NDUFAF6: variants seen among roughly 807,000 people sequenced by gnomAD.
NDUFAF6 encodes NADH:ubiquinone oxidoreductase complex assembly factor 6, also known as NADH dehydrogenase (ubiquinone) complex I, assembly factor 6.
Under a neutral mutation model 40.8 loss-of-function variants are expected in NDUFAF6, and 45 were observed. The ratio of observed to expected loss-of-function variants is 1.10; its 90% confidence interval spans 0.87 to 1.42. NDUFAF6 has a LOEUF of 1.42. Ranked by LOEUF, NDUFAF6 falls within the 40% of genes most tolerant of loss-of-function variation. The pLI is 0.00. For missense variants in NDUFAF6, 435 were observed against 418.5 expected, an observed-to-expected ratio of 1.04 and a Z score of -0.34; for synonymous variants, 185 against 155.9, an observed-to-expected ratio of 1.19 and a Z score of -1.39.
downstream of NDUFAF6, among the ~76,000 whole-genome samples, chr8:95,081,143 CTTTTTTTTTTTTTTTTTTTTTT>C (rs559573385): frequency 3.6e-3 from 210 of 57,760 alleles, 4 homozygotes; most frequent in African/African-American, 0.011. Context: ...AGTCCTGCAT[CTTTTTTTTTTTTTTTTTTTTTT>C]TTTTTTTTTT....
chr8:95,062,314 G>T (rs996312641), downstream of NDUFAF6, among the ~76,000 whole-genome samples: 1 of 152,146 alleles, frequency 6.6e-6, no homozygotes, highest in Non-Finnish European at 1.5e-5. Flanking sequence ...CTCAGTGGTG[G>T]TTGTGAGGAA....
At position 95,008,855 on chromosome 8, in the gene NDUFAF6, G is replaced by A. The variant is rs528420485; in HGVS notation, c.-83-23140G>A. Among the ~76,000 whole-genome samples the A allele has an allele frequency of 3.9e-5, 6 of 152,130 alleles. No homozygotes were observed. In the South Asian group the frequency reaches 1.0e-3, roughly 26 times the overall value. On this transcript the variant is annotated intron_variant, in intron 2 of 9. Transcript: ENST00000396111. ...AAACTGAAAAACAATTTTCACTGAC[G>A]TTCCATTTCATGTACATTTCATTAC...
rs11385145 is a variant in NDUFAF6 at position 95,063,877 on chromosome 8, GT to G, written c.*511+11659del. Among the ~76,000 whole-genome samples, 32 of 143,108 alleles carry G rather than the reference GT, an allele frequency of 2.2e-4. 1 individual carries two copies. The highest frequency in any genetic ancestry group is 1.6e-3 in the East Asian group (8 of 4,938). The allele number at this position is 143,108 out of a possible 152,430, so 93.9% of individuals were successfully genotyped here. A position where few individuals can be genotyped will look rare whatever the true frequency, so the allele number is the denominator to read the frequency against. ...TGTCCTATATTTGTTTCTTGCTGCA[GT>G]TTTTTTTTTTTGAGACGGAGTCCTG... is the stretch of plus-strand genomic sequence containing the variant. On this transcript the variant is annotated intron_variant and NMD_transcript_variant, in intron 9 of 9. Transcript: ENST00000520757.
At chr8:95,028,193 C>G (rs1349558597) in intron 1 of NDUFAF6, among the ~76,000 whole-genome samples, 1 of 152,220 alleles carries the variant, frequency 6.6e-6, no homozygotes, top group Non-Finnish European at 1.5e-5. Flanking sequence ...AAGTCAGTAC[C>G]CATCTTCAGT....
At chr8:95,060,151 G>A (rs993726330), downstream of NDUFAF6, among the ~76,000 whole-genome samples, 2 of 152,022 alleles carry the variant, frequency 1.3e-5, no homozygotes, top group African/African-American at 4.8e-5. Context: ...TTACAGATTT[G>A]GATGAACTAA....
intron 4 of NDUFAF6, among the ~76,000 whole-genome samples, chr8:95,115,040 G>T (rs993427338): frequency 7.3e-6 from 1 of 136,650 alleles, no homozygotes; most frequent in Non-Finnish European, 1.5e-5. Flanking sequence ...CCAGCCTGGG[G>T]GATAGAGCGA....
intron 1 of NDUFAF6, among the ~76,000 whole-genome samples, chr8:94,967,448 C>T (rs190510819): frequency 1.8e-4 from 27 of 152,266 alleles, no homozygotes; most frequent in African/African-American, 6.5e-4. Context: ...TTTCTGAGTA[C>T]CTACTGTGTG....
chr8:95,036,159 C>T (rs141303512), intron 3 of NDUFAF6: 119 of 485,416 alleles, frequency 2.5e-4, no homozygotes, highest in Non-Finnish European at 3.4e-4. Context: ...AGATATATAC[C>T]ATAAATGGTT....
At chr8:94,905,431 G>A (rs997751063) in intron 1 of NDUFAF6, among the ~76,000 whole-genome samples, 1 of 152,002 alleles carries the variant, frequency 6.6e-6, no homozygotes, top group Non-Finnish European at 1.5e-5. Context: ...TTCTCAGCTC[G>A]AGGGCTCCCT....
chr8:94,971,179 C>A (rs1449388325), intron 1 of NDUFAF6, among the ~76,000 whole-genome samples: 1 of 152,178 alleles, frequency 6.6e-6, no homozygotes, highest in Non-Finnish European at 1.5e-5. Flanking sequence ...TAAATGTTGA[C>A]CACACAGCTG....
chr8:95,044,245 T>TGGG (rs1830469296), intron 4 of NDUFAF6, among the ~76,000 whole-genome samples: 1 of 152,088 alleles, frequency 6.6e-6, no homozygotes, highest in Admixed American at 6.6e-5. Flanking sequence ...GGGAAGTGTC[T>TGGG]GCTTAATGGA....
At chr8:95,036,780 A>G (rs930293733) in intron 3 of NDUFAF6, among the ~76,000 whole-genome samples, 13 of 152,376 alleles carry the variant, frequency 8.5e-5, no homozygotes, top group African/African-American at 2.6e-4. Flanking sequence ...GAATGTTTAC[A>G]TATCTGCCAA....
intron 2 of NDUFAF6, chr8:94,949,132 C>T (rs1449953385): frequency 1.7e-5 from 2 of 118,936 alleles, no homozygotes; most frequent in Non-Finnish European, 3.9e-5. Flanking sequence ...CGGACGCCCG[C>T]CCGCCCCCCC....
rs1809976245 is a variant in NDUFAF6 at position 95,110,718 on chromosome 8, T to G, written n.345-4818T>G. On this transcript the variant is annotated intron_variant and non_coding_transcript_variant, in intron 4 of 5. Transcript: ENST00000523184. ...TTCTGCCTCCTCTGTAACTGTTAAA[T>G]TGATATAATGGATAATTCTACATTA... Among the ~76,000 whole-genome samples the G allele has an allele frequency of 2.0e-5, 3 of 152,232 alleles. No homozygotes were observed. In the South Asian group the frequency reaches 6.2e-4, roughly 31 times the overall value.
rs559649368 is a variant in NDUFAF6 at position 95,071,156 on chromosome 8, T to C, written c.*512-4477T>C. Among the ~76,000 whole-genome samples the C allele has an allele frequency of 2.0e-3, 301 of 151,728 alleles. 1 individual carries two copies. The highest frequency in any genetic ancestry group is 6.8e-3 in the Middle Eastern group (2 of 294). Reference sequence around the variant, plus strand: ...CTGTAATCCCAGCACTTTGGGAGGCTGAGGTGGGCGGATCACGAGGTCAGG... The same window carrying C: ...CTGTAATCCCAGCACTTTGGGAGGCCGAGGTGGGCGGATCACGAGGTCAGG... On this transcript the variant is annotated intron_variant and NMD_transcript_variant, in intron 9 of 9. Coordinates refer to the NDUFAF6 transcript ENST00000520757.
At chr8:94,973,118 C>G (rs1824611162) in intron 1 of NDUFAF6, among the ~76,000 whole-genome samples, 1 of 152,036 alleles carries the variant, frequency 6.6e-6, no homozygotes, top group Non-Finnish European at 1.5e-5. Flanking sequence ...TAAGAGAAAC[C>G]CTTAATAATT....
intron 9 of NDUFAF6, chr8:95,066,658 T>C (rs1385994845): frequency 6.6e-6 from 1 of 152,168 alleles, no homozygotes; most frequent in East Asian, 1.9e-4. Flanking sequence ...ATTTTCTCTT[T>C]TTGGTTTCCT....
intron 2 of NDUFAF6, among the ~76,000 whole-genome samples, chr8:95,017,020 A>G (rs952097197): frequency 7.4e-5 from 11 of 149,024 alleles, no homozygotes; most frequent in African/African-American, 2.2e-4. Context: ...TGCGGCCTCA[A>G]CTTCTGGGCT....
At position 94,948,791 on chromosome 8, in the gene NDUFAF6, G is replaced by A. The variant is rs545733063; in HGVS notation, c.-799+3172G>A. On this transcript the variant is annotated intron_variant, in intron 2 of 14. Transcript: ENST00000396113. Reference sequence around the variant, plus strand: ...GGAGGGGAGTGAGGAGGGGTGAGAGGAGGAGGTCCCGCCGCGGCCAAGAAA... The same window carrying A: ...GGAGGGGAGTGAGGAGGGGTGAGAGAAGGAGGTCCCGCCGCGGCCAAGAAA... Among the ~76,000 whole-genome samples the A allele has an allele frequency of 5.0e-3, 764 of 152,214 alleles. 8 individuals are homozygous for A. The highest frequency in any genetic ancestry group is 5.7e-3 in the Non-Finnish European group (388 of 67,964).
Sources: gnomAD v4.1 joint callset for allele counts (sites outside exome capture counted in the v4.1 genomes callset) on GRCh38, gnomAD v4.1.1 for gene constraint, MANE v1.5 for transcripts, NCBI Gene and HGNC (gene_info 2026-07-23, HGNC 2026-07-21) for gene names.